The following LHPP variants were observed in gnomAD, a reference collection of about 807,000 sequenced individuals.
LHPP encodes the protein hLHPP.
In LHPP, 24 loss-of-function variants were observed where a neutral mutation model predicts 30.3. That is an observed-to-expected ratio of 0.79 (90% CI 0.57 to 1.11). The LOEUF (loss-of-function observed/expected upper bound fraction) is 1.11, where lower values mean the gene tolerates loss of function less well. Ranked by LOEUF, LHPP falls within the 50% of genes most tolerant of loss-of-function variation. The pLI, the probability that LHPP is intolerant of heterozygous loss-of-function variation, is 0.00. For synonymous variants in LHPP, 150 were observed against 157.1 expected, an observed-to-expected ratio of 0.95 and a Z score of 0.34; for missense variants, 356 against 367.2, an observed-to-expected ratio of 0.97 and a Z score of 0.25.
intron 3 of LHPP, among the ~76,000 whole-genome samples, chr10:124,494,589 T>C (rs1374312669): frequency 6.6e-6 from 1 of 152,136 alleles, no homozygotes; most frequent in South Asian, 2.1e-4. Flanking sequence ...TTTGAGGGCC[T>C]GCAGAGGGCC....
intron 6 of LHPP, among the ~76,000 whole-genome samples, chr10:124,545,516 C>T (rs1186062955): frequency 6.6e-6 from 1 of 152,200 alleles, no homozygotes; most frequent in Non-Finnish European, 1.5e-5. Flanking sequence ...TGTGGGCGAG[C>T]CTGGCAGCCT....
chr10:124,523,864 C>A lies in LHPP; in HGVS notation c.716+6593C>A, dbSNP rs1386326048. Among the ~76,000 whole-genome samples the A allele has an allele frequency of 2.0e-5, 3 of 152,156 alleles. No individual in the cohort carries two copies. The highest frequency in any genetic ancestry group is 4.4e-5 in the Non-Finnish European group (3 of 68,030). On this transcript the variant is annotated intron_variant, in intron 6 of 6. Coordinates refer to ENST00000368842, the MANE Select transcript of LHPP (RefSeq NM_022126.4). This position sits in a 1 kb window ranked among gnomAD's most constrained non-coding sequence, Gnocchi z 4.2. ...CCGGGAACAGGCCTGTGGAAAAATC[C>A]ACTGTGCAATGAGTCCGTGAATCCC...
intron 6 of LHPP, among the ~76,000 whole-genome samples, chr10:124,549,550 T>G (rs1955428076): frequency 6.6e-6 from 1 of 152,286 alleles, no homozygotes; most frequent in Non-Finnish European, 1.5e-5. Flanking sequence ...CTTTCTTTTT[T>G]CTTTCTTCAC....
At chr10:124,473,270 G>C (rs11245081) in intron 1 of LHPP, among the ~76,000 whole-genome samples, 20,942 of 152,188 alleles carry the variant, frequency 0.14, 1,851 homozygotes, top group Non-Finnish European at 0.19. Flanking sequence ...TGCCACACCT[G>C]CCCACTGTGG....
At chr10:124,601,951 T>C (rs2134012362) in intron 6 of LHPP, among the ~76,000 whole-genome samples, 1 of 152,290 alleles carries the variant, frequency 6.6e-6, no homozygotes, top group Admixed American at 6.5e-5. Flanking sequence ...CATGCACCAC[T>C]CCTTCTCCAG....
At chr10:124,469,213 G>C (rs1178778233) in intron 1 of LHPP, among the ~76,000 whole-genome samples, 1 of 151,992 alleles carries the variant, frequency 6.6e-6, no homozygotes, top group African/African-American at 2.4e-5. Flanking sequence ...GGGGTCTTAG[G>C]GTTGGCAGGG....
At chr10:124,470,238 G>A (rs1376575029) in intron 1 of LHPP, among the ~76,000 whole-genome samples, 2 of 152,178 alleles carry the variant, frequency 1.3e-5, no homozygotes, top group Admixed American at 6.5e-5. Flanking sequence ...TGTGAAAGGG[G>A]GTGGGCATTT....
intron 6 of LHPP, among the ~76,000 whole-genome samples, chr10:124,560,634 G>A (rs965375218): frequency 7.2e-5 from 11 of 152,210 alleles, no homozygotes; most frequent in East Asian, 1.9e-4. Flanking sequence ...AGAACATGCC[G>A]TGCTCCCGAC....
intron 5 of LHPP, among the ~76,000 whole-genome samples, chr10:124,509,221 A>G (rs1281217890): frequency 6.6e-6 from 1 of 152,094 alleles, no homozygotes; most frequent in African/African-American, 2.4e-5. Flanking sequence ...TTTTTAGGGG[A>G]CAGCTGTCTT....
intron 6 of LHPP, among the ~76,000 whole-genome samples, chr10:124,579,707 A>G (rs1384711450): frequency 6.6e-6 from 1 of 152,224 alleles, no homozygotes; most frequent in Non-Finnish European, 1.5e-5. Context: ...TGGGTCTGAT[A>G]TTTGGAGCCA....
chr10:124,589,741 G>A (rs1388687383), intron 6 of LHPP, among the ~76,000 whole-genome samples: 1 of 152,194 alleles, frequency 6.6e-6, no homozygotes, highest in East Asian at 1.9e-4. Flanking sequence ...GGACGGACCC[G>A]CCTTTCCCGC....
intron 6 of LHPP, among the ~76,000 whole-genome samples, chr10:124,550,521 C>T (rs1267689516): frequency 6.6e-6 from 1 of 152,176 alleles, no homozygotes; most frequent in Non-Finnish European, 1.5e-5. Flanking sequence ...GTGGAGGGTT[C>T]GTGCACCGGG....
chr10:124,564,493 A>G (rs1241662988), intron 6 of LHPP, among the ~76,000 whole-genome samples: 1 of 151,706 alleles, frequency 6.6e-6, no homozygotes. Context: ...GGCTCAAGTG[A>G]TCCTCCCACT....
chr10:124,500,511 A>G (rs1243298082), intron 5 of LHPP, among the ~76,000 whole-genome samples: 3 of 151,838 alleles, frequency 2.0e-5, no homozygotes, highest in African/African-American at 7.3e-5. Context: ...AAATTTACTT[A>G]TTTTTTTGCT....
chr10:124,542,517 C>T (rs1032232972), intron 6 of LHPP, among the ~76,000 whole-genome samples: 30 of 152,150 alleles, frequency 2.0e-4, no homozygotes, highest in Non-Finnish European at 4.1e-4. Flanking sequence ...GGAATGGAGC[C>T]GCCTCCTGCA....
chr10:124,597,747 T>C (rs1563279), intron 6 of LHPP, among the ~76,000 whole-genome samples: 137,156 of 151,914 alleles, frequency 0.9, 62,061 homozygotes, highest in East Asian at 1. Context: ...GCGTGTGCCC[T>C]GCCTGTGCCC....
At chr10:124,515,040 G>A (rs1954412267) in intron 5 of LHPP, among the ~76,000 whole-genome samples, 1 of 152,144 alleles carries the variant, frequency 6.6e-6, no homozygotes, top group South Asian at 2.1e-4. Context: ...GGGCTCAAGT[G>A]ATCCTCCCAC....
rs191968640 is a variant in LHPP at position 124,510,405 on chromosome 10, C to T, written c.625-6775C>T. Among the ~76,000 whole-genome samples the T allele has an allele frequency of 1.2e-4, 19 of 152,286 alleles. No homozygotes were observed. Among genetic ancestry groups the T allele is most frequent in the Admixed American group, 3.9e-4 (6 of 15,298 alleles). ...CAGCTGTGCACCCAGCCGGCCCTGG[C>T]GTCCCGGCCCCCAGCCTCCGCCTCC... On this transcript the variant is annotated intron_variant, in intron 5 of 6. Coordinates refer to ENST00000368842, the MANE Select transcript of LHPP (RefSeq NM_022126.4). The surrounding 1 kb of genome is among the most constrained non-coding windows in gnomAD (Gnocchi z 4.0).
At chr10:124,608,471 G>C (rs1380001580) in intron 6 of LHPP, among the ~76,000 whole-genome samples, 1 of 152,248 alleles carries the variant, frequency 6.6e-6, no homozygotes, top group Admixed American at 6.5e-5. Context: ...CTCCTCATGG[G>C]AGCCCATGGT....
Sources: allele counts gnomAD v4.1 joint callset (sites outside exome capture counted in the v4.1 genomes callset), GRCh38; gene constraint gnomAD v4.1.1; non-coding constraint Gnocchi (gnomAD v3.1); transcripts MANE v1.5; gene names NCBI Gene and HGNC (gene_info 2026-07-23, HGNC 2026-07-21).